The following GRID1 variants were observed in gnomAD, a reference collection of about 807,000 sequenced individuals.
The protein encoded by GRID1 is glutamate ionotropic receptor delta type subunit 1.
A neutral mutation model predicts 98.0 loss-of-function variants in GRID1; 28 were observed. The ratio of observed to expected loss-of-function variants is 0.29; its 90% CI spans 0.21 to 0.39. The LOEUF is 0.39. GRID1 is among the 10% of genes least tolerant of loss of function. The pLI, the probability that GRID1 is intolerant of heterozygous loss-of-function variation, is 1.00. For missense variants in GRID1, 1,111 were observed against 1,340.5 expected (o/e 0.83, Z 2.67); for synonymous variants, 553 against 538.5 (o/e 1.03, Z -0.37).
At chr10:86,314,394 A>G (rs1174205767) in intron 2 of GRID1, among the ~76,000 whole-genome samples, 1 of 152,230 alleles carries the variant, frequency 6.6e-6, no homozygotes, top group Non-Finnish European at 1.5e-5. Context: ...GATCCCTGAG[A>G]CAAGGGCTCC....
intron 8 of GRID1, among the ~76,000 whole-genome samples, chr10:85,800,869 C>A (rs1011315965): frequency 1.3e-5 from 2 of 151,938 alleles, no homozygotes; most frequent in East Asian, 3.8e-4. Context: ...AAGTAATTAA[C>A]ACAGAACCAC....
At chr10:85,895,016 A>AAAAT (rs766551035) in intron 5 of GRID1, among the ~76,000 whole-genome samples, 69 of 97,116 alleles carry the variant, frequency 7.1e-4, no homozygotes, top group African/African-American at 2.5e-3. Context: ...AAAAAAAAAA[A>AAAAT]ATATATATAT....
intron 10 of GRID1, among the ~76,000 whole-genome samples, chr10:85,726,368 T>C (rs1230999167): frequency 6.6e-6 from 1 of 152,172 alleles, no homozygotes; most frequent in African/African-American, 2.4e-5. Context: ...CTGGCAGTAC[T>C]GAAGGGCCCA....
rs992337342 is a variant in GRID1, at chr10:85,854,579, G to A, written c.1150C>T (p.Arg384Trp). ...ITGLTGVMEF[R>W]EDSSNPYVQF... ...ACATAGGGATTCGAACTGTCCTCCC[G>A]AAACTCCATCACCCCAGTGAGGCCA... Residue 384 changes from arginine (R) to tryptophan (W), a missense_variant, in exon 8 of 16, where the codon CGG becomes TGG. Coordinates refer to ENST00000327946, the MANE Select transcript of GRID1 (RefSeq NM_017551.3). The A allele has an allele frequency of 1.5e-5, 24 of 1,613,556 alleles. No homozygotes were observed. Among genetic ancestry groups the A allele is most frequent in the East Asian group, 4.5e-5 (2 of 44,882 alleles).
chr10:86,174,605 C>T (rs1845546791), intron 3 of GRID1, among the ~76,000 whole-genome samples: 1 of 152,050 alleles, frequency 6.6e-6, no homozygotes, highest in African/African-American at 2.4e-5. Flanking sequence ...GTCTAAACAC[C>T]AAAAGCAATG....
chr10:86,324,612 C>A (rs1351472391), intron 2 of GRID1, among the ~76,000 whole-genome samples: 1 of 151,996 alleles, frequency 6.6e-6, no homozygotes, highest in African/African-American at 2.4e-5. Flanking sequence ...GAACAAAAAC[C>A]TGGACAAAGA....
chr10:86,312,813 G>T (rs7897993), intron 2 of GRID1, among the ~76,000 whole-genome samples: 9,639 of 152,266 alleles, frequency 0.063, 562 homozygotes, highest in African/African-American at 0.15. Flanking sequence ...CAGTAGGGGG[G>T]TGTCAGTGGA....
intron 12 of GRID1, among the ~76,000 whole-genome samples, chr10:85,662,590 T>C (rs989439483): frequency 1.3e-5 from 2 of 152,204 alleles, no homozygotes; most frequent in Non-Finnish European, 2.9e-5. Context: ...AGAGGCTCCC[T>C]TCTCCTTCCA....
intron 4 of GRID1, among the ~76,000 whole-genome samples, chr10:86,039,581 T>C (rs942288077): frequency 3.9e-5 from 6 of 152,188 alleles, no homozygotes; most frequent in African/African-American, 1.4e-4. Flanking sequence ...AGGGAAGAGT[T>C]TGACAGCCAC....
At position 86,226,319 on chromosome 10, in the gene GRID1, A is replaced by G. The variant is rs180790462; in HGVS notation, c.236-19671T>C. Among the ~76,000 whole-genome samples the G allele has an allele frequency of 3.2e-5, 4 of 126,732 alleles. No individual in the cohort carries two copies. In the East Asian group the frequency reaches 1.0e-3, roughly 32 times the overall value. 83.1% of individuals were successfully genotyped at this position (126,732 alleles called of 152,430 possible). On this transcript the variant is annotated intron_variant, in intron 2 of 15. Transcript: ENST00000327946. ...AGCAGTGGTCAGAGCCCACCCCAGCACACCCTCCCACCCCAGCATACCCTC... is the reference window on the plus strand; with the variant it reads ...AGCAGTGGTCAGAGCCCACCCCAGCGCACCCTCCCACCCCAGCATACCCTC...
intron 4 of GRID1, among the ~76,000 whole-genome samples, chr10:85,980,964 C>A (rs1842537329): frequency 6.6e-6 from 1 of 152,190 alleles, no homozygotes; most frequent in Non-Finnish European, 1.5e-5. Flanking sequence ...ACTGTGGGCA[C>A]CCAGGAAGTG....
At chr10:86,167,380 G>C (rs1320447575) in intron 3 of GRID1, among the ~76,000 whole-genome samples, 1 of 152,144 alleles carries the variant, frequency 6.6e-6, no homozygotes, top group East Asian at 1.9e-4. Context: ...CACCGAGCTG[G>C]TCCCAGAATA....
At chr10:86,047,284 C>A (rs1843437234) in intron 4 of GRID1, among the ~76,000 whole-genome samples, 1 of 152,228 alleles carries the variant, frequency 6.6e-6, no homozygotes, top group Non-Finnish European at 1.5e-5. Context: ...CTGTAATCCA[C>A]AAGTGTGGAG....
chr10:85,954,572 G>A (rs17106017), intron 4 of GRID1, among the ~76,000 whole-genome samples: 1 of 152,020 alleles, frequency 6.6e-6, no homozygotes, highest in Admixed American at 6.6e-5. Context: ...AAGATAGATG[G>A]CCCTTGATAT....
chr10:85,790,338 C>A (rs1002998348), intron 8 of GRID1, among the ~76,000 whole-genome samples: 1 of 152,232 alleles, frequency 6.6e-6, no homozygotes, highest in African/African-American at 2.4e-5. Flanking sequence ...CAAGCCCCAG[C>A]AGTTTGTCAC....
intron 8 of GRID1, among the ~76,000 whole-genome samples, chr10:85,826,143 A>G (rs1842817715): frequency 1.3e-5 from 2 of 152,066 alleles, no homozygotes. Context: ...CCTGACCAAC[A>G]TGGAGAAACC....
At chr10:85,627,001 C>T (rs1260163945) in intron 13 of GRID1, among the ~76,000 whole-genome samples, 1 of 152,120 alleles carries the variant, frequency 6.6e-6, no homozygotes, top group Non-Finnish European at 1.5e-5. Flanking sequence ...TTTTTCAGGG[C>T]TACACTGTTT....
intron 5 of GRID1, among the ~76,000 whole-genome samples, chr10:85,902,361 C>G (rs767615288): frequency 2.0e-5 from 3 of 152,062 alleles, no homozygotes; most frequent in Non-Finnish European, 4.4e-5. Flanking sequence ...GAAGAGCATG[C>G]GATTGAAAAA....
At chr10:85,800,861 G>A (rs1210637564) in intron 8 of GRID1, among the ~76,000 whole-genome samples, 1 of 151,996 alleles carries the variant, frequency 6.6e-6, no homozygotes. Flanking sequence ...GAGAGTTTAA[G>A]TAATTAACAC....
Sources: allele counts gnomAD v4.1 joint callset (sites outside exome capture counted in the v4.1 genomes callset), GRCh38; gene constraint gnomAD v4.1.1; transcripts MANE v1.5; gene names NCBI Gene and HGNC (gene_info 2026-07-23, HGNC 2026-07-21).